The following MTMR3 variants were observed in gnomAD, a reference collection of about 807,000 sequenced individuals.
MTMR3 encodes the protein myotubularin related protein 3, also known as phosphatidylinositol-3,5-bisphosphate 3-phosphatase MTMR3.
A neutral mutation model predicts 132.4 loss-of-function variants in MTMR3; 32 were observed. The ratio of observed to expected loss-of-function variants is 0.24; its 90% CI spans 0.18 to 0.32. MTMR3 has a LOEUF of 0.32. Ranked by LOEUF, MTMR3 falls within the 10% of genes least tolerant of loss-of-function variation. MTMR3 has a pLI of 1.00. For synonymous variants in MTMR3, 556 were observed against 550.3 expected (o/e 1.01, Z -0.14); for missense variants, 1,216 against 1,489.6 (o/e 0.82, Z 3.02).
At position 30,019,595 on chromosome 22, in the gene MTMR3, C is replaced by T. The variant is rs747238493; in HGVS notation, c.1936C>T (p.Arg646Cys). ...SLNEKWQEHR[R>C]SLELSSLAGP... ...GAACGAGAAGTGGCAGGAGCACCGGCGCTCACTAGAGCTGAGCAGCCTGGC... is the reference window on the plus strand; with the variant it reads ...GAACGAGAAGTGGCAGGAGCACCGGTGCTCACTAGAGCTGAGCAGCCTGGC... Residue 646 changes from arginine (R) to cysteine (C), a missense_variant, in exon 17 of 20, where the codon CGC becomes TGC. By Grantham distance (180) the Arg-to-Cys change is radical (BLOSUM62 -3). Coordinates refer to ENST00000401950, the MANE Select transcript of MTMR3 (RefSeq NM_021090.4). 11 of 1,613,950 alleles carry T rather than the reference C, an allele frequency of 6.8e-6. No individual in the cohort carries two copies. In the Middle Eastern group the frequency reaches 4.9e-4, roughly 73 times the overall value.
Position 30,026,760 on chromosome 22 carries a change from C to G in MTMR3, c.*959C>G, listed in dbSNP as rs1025347376. 6.5e-6 allele frequency: 1 copy of G among 153,004 alleles called. No homozygotes were observed. Among genetic ancestry groups the G allele is most frequent in the East Asian group, 1.9e-4 (1 of 5,322 alleles). 9.5% of individuals were successfully genotyped at this position (153,004 alleles called of 1,614,324 possible). A position where few individuals can be genotyped will look rare whatever the true frequency, so the allele number is the denominator to read the frequency against. ...ATCCAGACTCAGGGTTCCAGAAATC[C>G]CCCGTTCCCAAACCAAACCAATCAT... On this transcript the variant is annotated 3_prime_UTR_variant, in exon 20 of 20. Transcript: ENST00000401950.
At chr22:29,893,377 G>C (rs1259376454) in intron 1 of MTMR3, among the ~76,000 whole-genome samples, 1 of 152,230 alleles carries the variant, frequency 6.6e-6, no homozygotes, top group African/African-American at 2.4e-5. Flanking sequence ...ATATTTGTAT[G>C]TATGTATTTG....
At chr22:29,901,831 C>T (rs1206233998) in intron 1 of MTMR3, among the ~76,000 whole-genome samples, 1 of 152,182 alleles carries the variant, frequency 6.6e-6, no homozygotes, top group Non-Finnish European at 1.5e-5. Flanking sequence ...TTGAGACTGA[C>T]ATCTTTTATT....
chr22:29,943,887 G>A (rs111892136), intron 1 of MTMR3, among the ~76,000 whole-genome samples: 6,515 of 150,268 alleles, frequency 0.043, 470 homozygotes, highest in African/African-American at 0.15. Flanking sequence ...GTAGTAGCAC[G>A]ATCTTGGCTC....
intron 9 of MTMR3, chr22:30,005,906 A>C (rs1452085243): frequency 6.6e-6 from 1 of 152,250 alleles, no homozygotes; most frequent in Non-Finnish European, 1.5e-5. Context: ...CGTTTTAAGT[A>C]ACCCCAACTT....
chr22:29,896,916 A>ACACACACACACAC (rs2064912817), intron 1 of MTMR3, among the ~76,000 whole-genome samples: 1 of 92,438 alleles, frequency 1.1e-5, no homozygotes, highest in Non-Finnish European at 2.4e-5. Flanking sequence ...CACACACACA[A>ACACACACACACAC]ATCCCATATA....
chr22:29,903,451 CAGT>C (rs1428620849), intron 1 of MTMR3, among the ~76,000 whole-genome samples: 2 of 136,848 alleles, frequency 1.5e-5, no homozygotes, highest in Non-Finnish European at 3.0e-5. Context: ...TGCAGTGGTG[CAGT>C]CATGGCTCAC....
At chr22:29,905,396 G>A (rs2065075568) in intron 1 of MTMR3, among the ~76,000 whole-genome samples, 1 of 152,156 alleles carries the variant, frequency 6.6e-6, no homozygotes, top group African/African-American at 2.4e-5. Context: ...AAATAAAAGG[G>A]TGGTCCCTCT....
chr22:30,018,040 A>G lies in MTMR3; in HGVS notation c.1788A>G (p.Pro596=). Reference sequence around the variant, plus strand: ...ACAGCTGTGCACCATACCCAGCCCCAGGCACCAGCCCTGATGATCCCCCCC... The same window carrying G: ...ACAGCTGTGCACCATACCCAGCCCCGGGCACCAGCCCTGATGATCCCCCCC... ...VDDSCAPYPA[P]GTSPDDPPLS... is the part of the protein sequence containing the mutation. The change falls in exon 16 of 20, where the codon CCA becomes CCG. Residue 596 remains proline (P), a synonymous_variant. Coordinates refer to ENST00000401950, the MANE Select transcript of MTMR3 (RefSeq NM_021090.4). The G allele has an allele frequency of 6.2e-7, 1 of 1,612,366 alleles. No homozygotes were observed. Among genetic ancestry groups the G allele is most frequent in the Non-Finnish European group, 8.5e-7 (1 of 1,179,484 alleles).
At chr22:29,947,956 C>T (rs2065983468) in intron 1 of MTMR3, among the ~76,000 whole-genome samples, 1 of 152,092 alleles carries the variant, frequency 6.6e-6, no homozygotes, top group Non-Finnish European at 1.5e-5. Flanking sequence ...TTGAGCTCAT[C>T]ATTTAAACAG....
At chr22:29,923,136 G>T (rs2065451111) in intron 1 of MTMR3, among the ~76,000 whole-genome samples, 1 of 151,506 alleles carries the variant, frequency 6.6e-6, no homozygotes, top group Non-Finnish European at 1.5e-5. Context: ...CCGCCTCCTG[G>T]GTTCACGCCA....
chr22:29,908,982 C>CTTTTCT (rs563576306), intron 1 of MTMR3, among the ~76,000 whole-genome samples: 2 of 139,716 alleles, frequency 1.4e-5, no homozygotes, highest in East Asian at 4.1e-4. Context: ...CTTTTCTTTT[C>CTTTTCT]TTTTTTTTTT....
Position 29,895,904 on chromosome 22 carries a change from A to G in MTMR3, c.-138+12545A>G, listed in dbSNP as rs548195229. On this transcript the variant is annotated intron_variant, in intron 1 of 19. Transcript: ENST00000401950. ...AATCCACTTTTTGTCGCACATCACA[A>G]TCCAACCAAGAAATGGTTCGTCGTC... is the stretch of plus-strand genomic sequence containing the variant. 1.2e-4 allele frequency among the ~76,000 whole-genome samples: 19 copies of G among 152,336 alleles called. No individual in the cohort carries two copies. In the East Asian group the frequency reaches 3.3e-3, roughly 26 times the overall value.
intron 15 of MTMR3, chr22:30,017,350 C>T (rs41165): frequency 0.65 from 99,545 of 153,448 alleles, 32,952 homozygotes; most frequent in African/African-American, 0.76. Context: ...AGAGTTCATA[C>T]TGATTTCCTG....
At chr22:29,923,201 C>G (rs943915336) in intron 1 of MTMR3, among the ~76,000 whole-genome samples, 15 of 151,674 alleles carry the variant, frequency 9.9e-5, no homozygotes, top group African/African-American at 3.1e-4. Flanking sequence ...GTCACCACTC[C>G]CAGCTAATTT....
At position 29,971,356 on chromosome 22, in the gene MTMR3, C is replaced by T. The variant is rs1353325100; in HGVS notation, c.3+294C>T. On this transcript the variant is annotated intron_variant, in intron 3 of 19. Coordinates refer to ENST00000401950, the MANE Select transcript of MTMR3 (RefSeq NM_021090.4). ...AAGACTAAAACATACAGTTCTCGGA[C>T]TCCAGGTTTTTAATTCCTTTTCTAG... is the stretch of plus-strand genomic sequence containing the variant. Among the ~76,000 whole-genome samples the T allele has an allele frequency of 4.6e-5, 7 of 152,198 alleles. No individual in the cohort carries two copies. The East Asian group carries it at 9.7e-4, about 21-fold the overall frequency.
chr22:30,014,808 C>T (rs1024744889), intron 14 of MTMR3: 2 of 152,154 alleles, frequency 1.3e-5, no homozygotes, highest in Non-Finnish European at 2.9e-5. Flanking sequence ...CACCTAGCCT[C>T]CTCTCCCCAG....
At chr22:29,993,746 A>T (rs775682012) in intron 7 of MTMR3, 1 of 152,188 alleles carries the variant, frequency 6.6e-6, no homozygotes, top group African/African-American at 2.4e-5. Flanking sequence ...TCTTTTAATT[A>T]TGGGTGGCTC....
chr22:29,936,536 T>G (rs998554475), intron 1 of MTMR3, among the ~76,000 whole-genome samples: 22 of 152,282 alleles, frequency 1.4e-4, no homozygotes, highest in Admixed American at 3.9e-4. Context: ...CTTGATTCTC[T>G]GTGGTTAGAT....
Sources: allele counts gnomAD v4.1 joint callset (sites outside exome capture counted in the v4.1 genomes callset), GRCh38; gene constraint gnomAD v4.1.1; transcripts MANE v1.5; gene names NCBI Gene and HGNC (gene_info 2026-07-23, HGNC 2026-07-21).